ALG1L2: variants seen among roughly 807,000 people sequenced by gnomAD.
ALG1L2 encodes the protein putative glycosyltransferase ALG1L2.
ALG1L2 carries 32 observed loss-of-function variants against 29.0 expected under a neutral mutation model. The ratio of observed to expected loss-of-function variants is 1.10; its 90% CI spans 0.83 to 1.48. The LOEUF (loss-of-function observed/expected upper bound fraction) is 1.48, where lower values mean the gene tolerates loss of function less well. Ranked by LOEUF, ALG1L2 falls within the 40% of genes most tolerant of loss-of-function variation. The probability of loss-of-function intolerance (pLI) is 0.00; values close to 1 mark genes in which losing one functional copy is unlikely to be tolerated. For synonymous variants in ALG1L2, 110 were observed against 109.5 expected (o/e 1.00, Z -0.03); for missense variants, 318 against 274.1 (o/e 1.16, Z -1.13).
chr3:130,095,844 C>G (rs984103800), intron 5 of ALG1L2, among the ~76,000 whole-genome samples: 1 of 152,162 alleles, frequency 6.6e-6, no homozygotes, highest in Non-Finnish European at 1.5e-5. Flanking sequence ...ATTGTGGTTA[C>G]GTAGAAAAAG....
intron 1 of ALG1L2, among the ~76,000 whole-genome samples, chr3:130,090,154 G>A (rs1323516326): frequency 2.0e-5 from 3 of 152,284 alleles, no homozygotes; most frequent in African/African-American, 4.8e-5. Context: ...TCAGCAGTTC[G>A]AGACCAGCCT....
chr3:130,097,257 A>T lies in ALG1L2; in HGVS notation c.615+7A>T, dbSNP rs979738850. ...ACTGGCAGCTCAGCTGCAGGTAGCC[A>T]TGTCTGCCACCACGCCAGGGTGGAC... is the stretch of plus-strand genomic sequence containing the variant. On this transcript the variant is annotated splice_region_variant and intron_variant, in intron 7 of 7. Coordinates refer to ENST00000425059, the MANE Select transcript of ALG1L2 (RefSeq NM_001136152.1). 3.1e-6 allele frequency: 5 copies of T among 1,607,094 alleles called. No individual in the cohort carries two copies. Among genetic ancestry groups the T allele is most frequent in the Admixed American group, 3.3e-5 (2 of 59,978 alleles).
In ALG1L2 at chr3:130,097,241, TCAG is replaced by T. The variant is rs757606595; in HGVS notation, c.608_610del (p.Gln203del). On this transcript the variant is annotated inframe_deletion, in exon 7 of 8. Coordinates refer to ENST00000425059, the MANE Select transcript of ALG1L2 (RefSeq NM_001136152.1). ...TTGAGGACTCAGAGGAACTGGCAGC[TCAG>T]CTGCAGGTAGCCATGTCTGCCACCA... is the stretch of plus-strand genomic sequence containing the variant. 2 of 1,609,182 alleles carry T rather than the reference TCAG, an allele frequency of 1.2e-6. No individual in the cohort carries two copies. Among genetic ancestry groups the T allele is most frequent in the East Asian group, 4.5e-5 (2 of 44,890 alleles).
intron 2 of ALG1L2, chr3:130,091,750 A>G (rs1577328016): frequency 1.7e-6 from 1 of 589,774 alleles, no homozygotes. Context: ...GGGGCTAAGG[A>G]AGGGAACTTT....
At chr3:130,091,773 A>G in intron 2 of ALG1L2, 1 of 605,496 alleles carries the variant, frequency 1.7e-6, no homozygotes, top group Non-Finnish European at 3.1e-6. Flanking sequence ...GCAGGTCCAC[A>G]TACCCTGAGG....
At position 130,093,091 on chromosome 3, in the gene ALG1L2, T is replaced by A; in HGVS notation, c.254-10T>A. The A allele has an allele frequency of 6.2e-7, 1 of 1,600,504 alleles. No homozygotes were observed. On this transcript the variant is annotated splice_polypyrimidine_tract_variant and intron_variant, in intron 3 of 7. Transcript: ENST00000425059. Reference sequence around the variant, plus strand: ...ATTCCATGTAGAATTGTTTCTTTTTTTAAACACAGAGTTTGAACAACTGAC... The same window carrying A: ...ATTCCATGTAGAATTGTTTCTTTTTATAAACACAGAGTTTGAACAACTGAC...
At chr3:130,083,113 A>G (rs1934822466) in intron 1 of ALG1L2, among the ~76,000 whole-genome samples, 1 of 132,020 alleles carries the variant, frequency 7.6e-6, no homozygotes, top group Non-Finnish European at 1.8e-5. Flanking sequence ...AAAGGTAGAG[A>G]GTGGTGGTAG....
At chr3:130,089,969 G>A (rs534911678) in intron 1 of ALG1L2, among the ~76,000 whole-genome samples, 116 of 152,396 alleles carry the variant, frequency 7.6e-4, no homozygotes, top group Middle Eastern at 6.8e-3. Flanking sequence ...TTGATTCCTG[G>A]AGGCAGAAGT....
chr3:130,089,605 C>T (rs946208566), intron 1 of ALG1L2: 11 of 152,270 alleles, frequency 7.2e-5, no homozygotes, highest in Non-Finnish European at 1.2e-4. Context: ...GAATTCATTT[C>T]ACCCCTTTTA....
Position 130,091,201 on chromosome 3 carries a change from G to A in ALG1L2, c.21-60G>A, listed in dbSNP as rs553145804. 1.6e-4 allele frequency: 241 copies of A among 1,517,820 alleles called. 5 individuals are homozygous for A. The South Asian group carries it at 2.7e-3, about 17-fold the overall frequency. The allele number at this position is 1,517,820 out of a possible 1,614,324, so 94.0% of individuals were successfully genotyped here. ...GGCATGGAACCCAAATGAGTGGTTT[G>A]AGCAGAAAGTAGCCTCCATGCTGGA... On this transcript the variant is annotated intron_variant, in intron 1 of 7. Coordinates refer to ENST00000425059, the MANE Select transcript of ALG1L2 (RefSeq NM_001136152.1).
intron 4 of ALG1L2, among the ~76,000 whole-genome samples, chr3:130,093,416 T>G (rs1174937163): frequency 6.8e-6 from 1 of 148,006 alleles, no homozygotes; most frequent in Non-Finnish European, 1.5e-5. Context: ...CTTTTTTTTG[T>G]TGTTATGTCA....
chr3:130,095,210 T>A (rs1354440382), intron 5 of ALG1L2, among the ~76,000 whole-genome samples: 2 of 152,102 alleles, frequency 1.3e-5, no homozygotes, highest in Non-Finnish European at 2.9e-5. Context: ...TTTGTATTTT[T>A]AGTAGAGACA....
At chr3:130,097,952 G>A (rs768507086) in intron 7 of ALG1L2, among the ~76,000 whole-genome samples, 24 of 152,232 alleles carry the variant, frequency 1.6e-4, no homozygotes, top group Non-Finnish European at 2.8e-4. Flanking sequence ...GCCAGAGGCC[G>A]AGAGGAGGGT....
chr3:130,090,432 A>G (rs1165645829), intron 1 of ALG1L2, among the ~76,000 whole-genome samples: 1 of 152,304 alleles, frequency 6.6e-6, no homozygotes, highest in African/African-American at 2.4e-5. Context: ...GACCCTGAAT[A>G]CCCTGCAGTG....
Position 130,092,140 on chromosome 3 carries a change from C to T in ALG1L2, c.171C>T (p.Phe57=), listed in dbSNP as rs371581650. The part of the protein sequence containing the change: ...PEDPDTERSA[F]TERDSGSGLV... ...ACCCAGACACAGAGCGGTCGGCCTT[C>T]ACGGAGCGGGATTCTGGGAGCGGGC... The change falls in exon 3 of 8, where the codon TTC becomes TTT. Residue 57 remains phenylalanine (F), a synonymous_variant. Coordinates refer to ENST00000425059, the MANE Select transcript of ALG1L2 (RefSeq NM_001136152.1). 2 of 1,613,630 alleles carry T rather than the reference C, an allele frequency of 1.2e-6. No homozygotes were observed. The highest frequency in any genetic ancestry group is 1.7e-6 in the Non-Finnish European group (2 of 1,179,826).
intron 2 of ALG1L2, chr3:130,091,744 C>T (rs965064754): frequency 1.9e-5 from 11 of 585,630 alleles, no homozygotes; most frequent in African/African-American, 1.5e-4. Flanking sequence ...TCTCATGGGG[C>T]TAAGGAAGGG....
chr3:130,084,075 G>A (rs1272070706), intron 1 of ALG1L2, among the ~76,000 whole-genome samples: 1 of 150,830 alleles, frequency 6.6e-6, no homozygotes, highest in Non-Finnish European at 1.5e-5. Flanking sequence ...AGGGCGAGCA[G>A]CAATTCATCA....
chr3:130,093,729 A>G (rs748483650), intron 4 of ALG1L2, among the ~76,000 whole-genome samples: 14 of 152,122 alleles, frequency 9.2e-5, no homozygotes, highest in African/African-American at 3.4e-4. Context: ...CGGCCATGTC[A>G]TTGGTGCCTT....
In ALG1L2 at chr3:130,093,968, C is replaced by A. The variant is rs563201733; in HGVS notation, c.314-435C>A. The A allele has an allele frequency of 1.2e-5, 3 of 242,122 alleles. No homozygotes were observed. The South Asian group carries it at 1.3e-4, about 11-fold the overall frequency. The allele number at this position is 242,122 out of a possible 1,614,324, so 15.0% of individuals were successfully genotyped here. Reference sequence around the variant, plus strand: ...TCTGGAGGCTGTGGCAGGGCAGGTGCGGCTTGGAACCCGCGCCATGTGCTC... The same window carrying A: ...TCTGGAGGCTGTGGCAGGGCAGGTGAGGCTTGGAACCCGCGCCATGTGCTC... On this transcript the variant is annotated intron_variant, in intron 4 of 7. Transcript: ENST00000425059.
Sources: allele counts gnomAD v4.1 joint callset (sites outside exome capture counted in the v4.1 genomes callset), GRCh38; gene constraint gnomAD v4.1.1; transcripts MANE v1.5; gene names NCBI Gene and HGNC (gene_info 2026-07-23, HGNC 2026-07-21).